LUZP2: variants seen among roughly 807,000 people sequenced by gnomAD.
LUZP2 encodes leucine zipper protein 2.
Under a neutral mutation model 51.6 loss-of-function variants are expected in LUZP2, and 52 were observed. The observed-to-expected ratio is 1.01, with a 90% CI of 0.81 to 1.27. The LOEUF (loss-of-function observed/expected upper bound fraction) is 1.27. Ranked by LOEUF, LUZP2 falls within the 50% of genes most tolerant of loss-of-function variation. The probability of loss-of-function intolerance (pLI) is 0.00; values close to 1 mark genes in which losing one functional copy is unlikely to be tolerated. For synonymous variants in LUZP2, 154 were observed against 137.3 expected (o/e 1.12, Z -0.85); for missense variants, 436 against 395.4 (o/e 1.10, Z -0.87).
intron 7 of LUZP2, among the ~76,000 whole-genome samples, chr11:24,951,729 G>T (rs1565150617): frequency 6.6e-6 from 1 of 151,520 alleles, no homozygotes; most frequent in African/African-American, 2.4e-5. Context: ...TTGGGAGGTA[G>T]TTTTTTGTTG....
intron 9 of LUZP2, among the ~76,000 whole-genome samples, chr11:25,019,593 G>A (rs1047988644): frequency 6.6e-6 from 1 of 152,028 alleles, no homozygotes; most frequent in African/African-American, 2.4e-5. Context: ...AAGAAAATAT[G>A]TTTCTTCATT....
chr11:24,891,178 AATGT>A (rs1852842855), intron 5 of LUZP2: 1 of 984,858 alleles, frequency 1.0e-6, no homozygotes, highest in Non-Finnish European at 1.2e-6. Flanking sequence ...GACAGTATCT[AATGT>A]GAGCTAGAGT....
chr11:24,773,470 C>T (rs1330949368), intron 5 of LUZP2, among the ~76,000 whole-genome samples: 2 of 152,026 alleles, frequency 1.3e-5, no homozygotes, highest in Non-Finnish European at 2.9e-5. Flanking sequence ...TGGAACATAG[C>T]CCCAGGCTGG....
At chr11:24,531,028 C>T (rs867559646) in intron 1 of LUZP2, among the ~76,000 whole-genome samples, 8 of 121,088 alleles carry the variant, frequency 6.6e-5, no homozygotes, top group Middle Eastern at 7.8e-3. Flanking sequence ...TGGCTTATTA[C>T]TTTAGCCTCT....
At chr11:24,925,382 T>C (rs1199709984) in intron 7 of LUZP2, among the ~76,000 whole-genome samples, 5 of 152,034 alleles carry the variant, frequency 3.3e-5, no homozygotes, top group African/African-American at 1.2e-4. Flanking sequence ...GGGCTTAGAG[T>C]TTTATTTTTG....
chr11:25,003,780 A>G (rs1590823920), intron 9 of LUZP2, among the ~76,000 whole-genome samples: 1 of 152,272 alleles, frequency 6.6e-6, no homozygotes, highest in South Asian at 2.1e-4. Context: ...TTCCTCAAGT[A>G]GGGGACAACA....
At chr11:24,903,062 A>C (rs1418209886) in intron 5 of LUZP2, among the ~76,000 whole-genome samples, 4 of 152,144 alleles carry the variant, frequency 2.6e-5, no homozygotes, top group African/African-American at 7.2e-5. Context: ...TGGTTTTGGC[A>C]GGACATAAAT....
chr11:24,968,083 G>T (rs1417396214), intron 7 of LUZP2, among the ~76,000 whole-genome samples: 1 of 152,098 alleles, frequency 6.6e-6, no homozygotes, highest in Non-Finnish European at 1.5e-5. Flanking sequence ...TACTTAAAAA[G>T]TTCAAGGTAG....
intron 9 of LUZP2, among the ~76,000 whole-genome samples, chr11:24,998,389 A>G (rs533804885): frequency 1.6e-4 from 25 of 152,196 alleles, no homozygotes; most frequent in Non-Finnish European, 2.9e-4. Flanking sequence ...GCAATTGTGA[A>G]TGGGAGTTCA....
chr11:24,634,265 G>A (rs1348184626), intron 1 of LUZP2, among the ~76,000 whole-genome samples: 2 of 151,892 alleles, frequency 1.3e-5, no homozygotes, highest in Non-Finnish European at 2.9e-5. Flanking sequence ...TCAAAATGTG[G>A]CACAGATACC....
chr11:24,923,805 T>C lies in LUZP2; in HGVS notation c.522+9267T>C, dbSNP rs1451006030. On this transcript the variant is annotated intron_variant, in intron 7 of 11. Transcript: ENST00000336930. ...TTGAAAGTCACCCTGACAATGTAAATGAATAGCTTATTTTCACAGGTAAGG... is the reference window on the plus strand; with the variant it reads ...TTGAAAGTCACCCTGACAATGTAAACGAATAGCTTATTTTCACAGGTAAGG... Among the ~76,000 whole-genome samples the C allele has an allele frequency of 1.3e-5, 2 of 152,122 alleles. 1 individual carries two copies. Among genetic ancestry groups the C allele is most frequent in the Admixed American group, 1.3e-4 (2 of 15,276 alleles).
chr11:24,918,073 A>G (rs1853858776), intron 7 of LUZP2, among the ~76,000 whole-genome samples: 2 of 151,900 alleles, frequency 1.3e-5, no homozygotes, highest in Admixed American at 1.3e-4. Flanking sequence ...TTGGATTCCT[A>G]GGTATTGTAT....
chr11:24,729,797 T>G (rs1858647135), intron 2 of LUZP2, among the ~76,000 whole-genome samples: 1 of 151,968 alleles, frequency 6.6e-6, no homozygotes, highest in Non-Finnish European at 1.5e-5. Flanking sequence ...GATAATATAT[T>G]GCAATATTTG....
chr11:24,974,497 T>TACAC (rs61394225), intron 7 of LUZP2, among the ~76,000 whole-genome samples: 137,934 of 151,808 alleles, frequency 0.91, 64,128 homozygotes, highest in Non-Finnish European at 1. Context: ...AGCATTTTCT[T>TACAC]ACACATTAAA....
At chr11:24,565,354 G>C (rs145579558) in intron 1 of LUZP2, among the ~76,000 whole-genome samples, 2 of 152,128 alleles carry the variant, frequency 1.3e-5, no homozygotes, top group Non-Finnish European at 2.9e-5. Flanking sequence ...AACACACCTT[G>C]CAGGCAGTGA....
chr11:24,955,438 T>C (rs1036735192), intron 7 of LUZP2, among the ~76,000 whole-genome samples: 1 of 151,894 alleles, frequency 6.6e-6, no homozygotes, highest in Non-Finnish European at 1.5e-5. Context: ...ATGGCTGGGA[T>C]ATATTAGGCC....
At chr11:24,689,099 T>G (rs957745372) in intron 1 of LUZP2, among the ~76,000 whole-genome samples, 1 of 152,040 alleles carries the variant, frequency 6.6e-6, no homozygotes, top group African/African-American at 2.4e-5. Context: ...TGAAAACGTT[T>G]TAGAGGAGAA....
At position 24,756,225 on chromosome 11, in the gene LUZP2, T is replaced by C. The variant is rs185291758; in HGVS notation, c.334-7021T>C. Reference sequence around the variant, plus strand: ...GAACCAATGTGTACCTCACATGTATTGATACACTGATTAATTCCACATGTC... The same window carrying C: ...GAACCAATGTGTACCTCACATGTATCGATACACTGATTAATTCCACATGTC... On this transcript the variant is annotated intron_variant, in intron 4 of 11. Transcript: ENST00000336930. Among the ~76,000 whole-genome samples, 21 of 152,294 alleles carry C rather than the reference T, an allele frequency of 1.4e-4. 1 individual carries two copies. The highest frequency in any genetic ancestry group is 1.3e-3 in the Admixed American group (20 of 15,282).
intron 1 of LUZP2, among the ~76,000 whole-genome samples, chr11:24,647,973 CT>C (rs1294644712): frequency 1.3e-5 from 2 of 151,820 alleles, no homozygotes; most frequent in African/African-American, 2.4e-5. Flanking sequence ...CACCTGTACT[CT>C]TTTCTATCAT....
Sources: gnomAD v4.1 joint callset for allele counts (sites outside exome capture counted in the v4.1 genomes callset) on GRCh38, gnomAD v4.1.1 for gene constraint, MANE v1.5 for transcripts, NCBI Gene and HGNC (gene_info 2026-07-23, HGNC 2026-07-21) for gene names.